The following SLC44A5 variants were observed in gnomAD, a reference collection of about 807,000 sequenced individuals.
SLC44A5 encodes the protein choline transporter-like protein 5.
A neutral mutation model predicts 101.8 loss-of-function variants in SLC44A5; 57 were observed. That is an observed-to-expected ratio of 0.56 (90% CI 0.45 to 0.70). The LOEUF (loss-of-function observed/expected upper bound fraction) is 0.70. Among genes scored for constraint, SLC44A5 ranks in the 30% least tolerant of loss-of-function variants. The pLI is 0.00. For missense variants in SLC44A5, 737 were observed against 853.1 expected (o/e 0.86, Z 1.70); for synonymous variants, 281 against 290.9 (o/e 0.97, Z 0.35).
intron 2 of SLC44A5, among the ~76,000 whole-genome samples, chr1:75,466,274 C>T (rs1252672644): frequency 6.6e-6 from 1 of 152,054 alleles, no homozygotes; most frequent in Non-Finnish European, 1.5e-5. Context: ...AAGGACAAAA[C>T]CCATATGATC....
the SLC44A5 span, among the ~76,000 whole-genome samples, chr1:75,634,236 C>A: frequency 2.0e-5 from 3 of 152,134 alleles, no homozygotes; most frequent in Admixed American, 6.6e-5. Context: ...CTGGCCTCCT[C>A]AAATGAGTTA....
intron 1 of SLC44A5, among the ~76,000 whole-genome samples, chr1:75,564,058 T>G (rs1672657092): frequency 6.6e-6 from 1 of 152,186 alleles, no homozygotes; most frequent in Non-Finnish European, 1.5e-5. Flanking sequence ...TGACAATTCT[T>G]GCCATCAATG....
chr1:75,433,301 C>T (rs1253558385), intron 2 of SLC44A5, among the ~76,000 whole-genome samples: 1 of 152,144 alleles, frequency 6.6e-6, no homozygotes, highest in Non-Finnish European at 1.5e-5. Flanking sequence ...CATTCCTCTA[C>T]CACAGCTGGT....
the SLC44A5 span, among the ~76,000 whole-genome samples, chr1:75,673,650 T>G: frequency 6.6e-6 from 1 of 152,248 alleles, no homozygotes; most frequent in Admixed American, 6.5e-5. Flanking sequence ...TGACCCAGCA[T>G]AACCCCAGTG....
chr1:75,451,142 C>A (rs1349309567), intron 2 of SLC44A5, among the ~76,000 whole-genome samples: 1 of 152,180 alleles, frequency 6.6e-6, no homozygotes, highest in Non-Finnish European at 1.5e-5. Flanking sequence ...TTGTGCCTGC[C>A]AGCAGGCGAC....
At chr1:75,477,705 G>A (rs1018194058) in intron 2 of SLC44A5, among the ~76,000 whole-genome samples, 21 of 152,102 alleles carry the variant, frequency 1.4e-4, no homozygotes, top group East Asian at 5.8e-4. Flanking sequence ...TTAGAGAAAA[G>A]AGAATAAAAA....
At chr1:75,442,551 T>G (rs1015856465) in intron 2 of SLC44A5, among the ~76,000 whole-genome samples, 6 of 152,164 alleles carry the variant, frequency 3.9e-5, no homozygotes, top group African/African-American at 1.4e-4. Flanking sequence ...CCACCCTTGA[T>G]ATCTTCTTCA....
intron 5 of SLC44A5, among the ~76,000 whole-genome samples, chr1:75,287,413 G>C (rs1295067418): frequency 8.9e-6 from 1 of 112,490 alleles, no homozygotes; most frequent in African/African-American, 3.3e-5. Flanking sequence ...CTTAATAATT[G>C]ACCTTCTGAA....
At chr1:75,300,212 T>G (rs1453966773) in intron 5 of SLC44A5, among the ~76,000 whole-genome samples, 1 of 152,062 alleles carries the variant, frequency 6.6e-6, no homozygotes, top group African/African-American at 2.4e-5. Context: ...TTGTTCCTTC[T>G]TTTTAATTTG....
intron 3 of SLC44A5, among the ~76,000 whole-genome samples, chr1:75,383,537 C>A (rs886578722): frequency 6.6e-6 from 1 of 152,008 alleles, no homozygotes; most frequent in Non-Finnish European, 1.5e-5. Context: ...GCAAAGCCTC[C>A]AAGAAATATG....
In SLC44A5 at chr1:75,513,175, C is replaced by T. The variant is rs183848004; in HGVS notation, c.13+28260G>A. ...TCTCAACTACACAGACAAGATTAAA[C>T]AGAAGGGATAAGTCCAATAGTGGCT... On this transcript the variant is annotated intron_variant, in intron 2 of 23. Coordinates refer to ENST00000370859, the MANE Select transcript of SLC44A5 (RefSeq NM_001130058.2). Among the ~76,000 whole-genome samples, 478 of 152,272 alleles carry T rather than the reference C, an allele frequency of 3.1e-3. 1 individual carries two copies. The highest frequency in any genetic ancestry group is 4.6e-3 in the Non-Finnish European group (316 of 68,016).
intron 1 of SLC44A5, chr1:75,582,671 G>A: frequency 5.4e-6 from 1 of 185,000 alleles, no homozygotes; most frequent in Admixed American, 6.1e-5. Flanking sequence ...ATAAATCTGA[G>A]GGTAACACTC....
At chr1:75,500,918 T>A (rs990231101) in intron 2 of SLC44A5, among the ~76,000 whole-genome samples, 1 of 152,192 alleles carries the variant, frequency 6.6e-6, no homozygotes, top group African/African-American at 2.4e-5. Context: ...TGTATCATCT[T>A]GAAACCTCTT....
chr1:75,473,854 CTGG>C (rs746847778), intron 2 of SLC44A5, among the ~76,000 whole-genome samples: 19 of 152,210 alleles, frequency 1.2e-4, no homozygotes, highest in Non-Finnish European at 2.5e-4. Context: ...TCCAGCCTAG[CTGG>C]TGGCAGTATA....
intron 3 of SLC44A5, among the ~76,000 whole-genome samples, chr1:75,377,124 C>G (rs1277579527): frequency 6.6e-6 from 1 of 151,534 alleles, no homozygotes; most frequent in African/African-American, 2.4e-5. Context: ...GTTACTGTGT[C>G]TGTGTAGAAA....
At chr1:75,668,590 G>A in the SLC44A5 span, among the ~76,000 whole-genome samples, 4 of 151,186 alleles carry the variant, frequency 2.6e-5, no homozygotes, top group Non-Finnish European at 4.4e-5. Context: ...CCAAAGTGCT[G>A]TGATTACAAG....
chr1:75,644,639 TA>T, the SLC44A5 span, among the ~76,000 whole-genome samples: 26 of 91,886 alleles, frequency 2.8e-4, no homozygotes, highest in African/African-American at 7.2e-4. Context: ...TTTATATATA[TA>T]TATTTTTTTT....
the SLC44A5 span, among the ~76,000 whole-genome samples, chr1:75,658,192 G>A: frequency 6.6e-5 from 10 of 152,136 alleles, no homozygotes; most frequent in East Asian, 1.7e-3. Flanking sequence ...TCCCAACTCA[G>A]CCTCAAAGGT....
At chr1:75,660,550 G>A in the SLC44A5 span, among the ~76,000 whole-genome samples, 5 of 152,122 alleles carry the variant, frequency 3.3e-5, no homozygotes, top group Non-Finnish European at 5.9e-5. Flanking sequence ...ATTTGCAGAT[G>A]ACATAATTTT....
Sources: allele counts gnomAD v4.1 joint callset (sites outside exome capture counted in the v4.1 genomes callset), GRCh38; gene constraint gnomAD v4.1.1; transcripts MANE v1.5; gene names NCBI Gene and HGNC (gene_info 2026-07-23, HGNC 2026-07-21).